CLSTN2: variants seen among roughly 807,000 people sequenced by gnomAD.
CLSTN2 encodes calsyntenin 2, also known as calsyntenin-2.
In CLSTN2, 48 loss-of-function variants were observed where a neutral mutation model predicts 101.2. That is an observed-to-expected ratio of 0.47 (90% CI 0.38 to 0.60). The LOEUF is 0.60. CLSTN2 is among the 20% of genes least tolerant of loss of function. The probability of loss-of-function intolerance (pLI) is 0.00; values close to 1 mark genes in which losing one functional copy is unlikely to be tolerated. For missense variants in CLSTN2, 1,160 were observed against 1,238.2 expected, an observed-to-expected ratio of 0.94 and a Z score of 0.95; for synonymous variants, 481 against 463.6, an observed-to-expected ratio of 1.04 and a Z score of -0.48.
chr3:140,546,383 C>G (rs1161925010), intron 9 of CLSTN2, 132 bp from the exon 10 acceptor site: 3 of 835,984 alleles, frequency 3.6e-6, no homozygotes, highest in Non-Finnish European at 5.6e-6. Flanking sequence ...CTGTGTTCAT[C>G]ACTCAGAAGG....
chr3:140,232,988 G>A (rs2086384290), intron 2 of CLSTN2, among the ~76,000 whole-genome samples: 1 of 152,000 alleles, frequency 6.6e-6, no homozygotes, highest in African/African-American at 2.4e-5. Flanking sequence ...GAAATCCTTA[G>A]TACCAAGCTT....
rs372703509 is a variant in CLSTN2, at chr3:140,205,562, A to G, written c.232+29489A>G. 6.0e-5 allele frequency among the ~76,000 whole-genome samples: 9 copies of G among 150,080 alleles called. No individual in the cohort carries two copies. The East Asian group carries it at 1.7e-3, about 29-fold the overall frequency. On this transcript the variant is annotated intron_variant, in intron 2 of 16. Coordinates refer to ENST00000458420, the MANE Select transcript of CLSTN2 (RefSeq NM_022131.3). Reference sequence around the variant, plus strand: ...GAGAGCAGAAAAAATTAGGAAAGCCACAGAGGAGGTAAGGAGGATTGAGGA... The same window carrying G: ...GAGAGCAGAAAAAATTAGGAAAGCCGCAGAGGAGGTAAGGAGGATTGAGGA...
chr3:140,430,709 G>C (rs1334689510), intron 5 of CLSTN2, among the ~76,000 whole-genome samples: 1 of 152,170 alleles, frequency 6.6e-6, no homozygotes, highest in East Asian at 1.9e-4. Flanking sequence ...GAAAGAATGG[G>C]AGATCAAATG....
chr3:140,301,219 T>G (rs1165616657), intron 2 of CLSTN2, among the ~76,000 whole-genome samples: 1 of 152,178 alleles, frequency 6.6e-6, no homozygotes, highest in Non-Finnish European at 1.5e-5. Context: ...GCTTGACACA[T>G]ATACTTAACC....
At chr3:140,381,358 C>T (rs2087980757) in intron 2 of CLSTN2, among the ~76,000 whole-genome samples, 1 of 152,178 alleles carries the variant, frequency 6.6e-6, no homozygotes, top group Non-Finnish European at 1.5e-5. Flanking sequence ...GAAGTTAGGA[C>T]TTCAACACAT....
At chr3:139,990,690 A>G (rs1350182432) in intron 1 of CLSTN2, among the ~76,000 whole-genome samples, 1 of 152,268 alleles carries the variant, frequency 6.6e-6, no homozygotes, top group Non-Finnish European at 1.5e-5. Context: ...GAACAGGTAG[A>G]TGTCATGTGA....
chr3:140,207,253 G>T (rs2010795669), intron 2 of CLSTN2, among the ~76,000 whole-genome samples: 1 of 152,156 alleles, frequency 6.6e-6, no homozygotes, highest in Admixed American at 6.5e-5. Context: ...GCTACAGTGA[G>T]GTAGTGTCCC....
At chr3:140,101,844 G>C (rs961558009) in intron 1 of CLSTN2, among the ~76,000 whole-genome samples, 1 of 152,186 alleles carries the variant, frequency 6.6e-6, no homozygotes. Context: ...TGGCCCAGAA[G>C]TGAAACAACT....
intron 1 of CLSTN2, among the ~76,000 whole-genome samples, chr3:140,077,905 G>T (rs531464773): frequency 6.6e-6 from 1 of 152,282 alleles, no homozygotes; most frequent in African/African-American, 2.4e-5. Flanking sequence ...ATCCAAACCA[G>T]ATTTGAGTGT....
chr3:140,479,559 T>C (rs992732026), intron 8 of CLSTN2, among the ~76,000 whole-genome samples: 2 of 152,168 alleles, frequency 1.3e-5, no homozygotes, highest in Admixed American at 6.5e-5. Context: ...AGAAAATAAC[T>C]TTAAAACAGT....
At chr3:140,225,498 G>GTTTT (rs1045738326) in intron 2 of CLSTN2, among the ~76,000 whole-genome samples, 1 of 151,966 alleles carries the variant, frequency 6.6e-6, no homozygotes, top group Non-Finnish European at 1.5e-5. Flanking sequence ...TTGTTTGTTT[G>GTTTT]TTTGTTTGTT....
intron 2 of CLSTN2, among the ~76,000 whole-genome samples, chr3:140,382,645 C>A (rs1306089501): frequency 6.6e-6 from 1 of 152,094 alleles, no homozygotes; most frequent in Non-Finnish European, 1.5e-5. Context: ...AATAAAACAC[C>A]ACACACTGGG....
chr3:139,965,699 G>C (rs1167573834), intron 1 of CLSTN2, among the ~76,000 whole-genome samples: 1 of 152,206 alleles, frequency 6.6e-6, no homozygotes, highest in Non-Finnish European at 1.5e-5. Flanking sequence ...TAAGATGGCA[G>C]AGCCTAGCTT....
chr3:140,341,682 G>A (rs1429175935), intron 2 of CLSTN2, among the ~76,000 whole-genome samples: 3 of 152,172 alleles, frequency 2.0e-5, no homozygotes, highest in Admixed American at 6.5e-5. Flanking sequence ...TTCAAGTATT[G>A]CTGGTAGTGG....
In CLSTN2 at chr3:139,983,362, T is replaced by G. The variant is rs540342710; in HGVS notation, c.109+47879T>G. On this transcript the variant is annotated intron_variant, in intron 1 of 16. Transcript: ENST00000458420. ...TTAAAATCTTAATTAGAAAAGAAGT[T>G]TGAAGTTGTGGGTCTCATCTGGAGA... 2.0e-4 allele frequency among the ~76,000 whole-genome samples: 30 copies of G among 152,266 alleles called. No homozygotes were observed. The South Asian group carries it at 5.6e-3, about 28-fold the overall frequency.
chr3:140,218,340 T>A (rs1256098588), intron 2 of CLSTN2, among the ~76,000 whole-genome samples: 6 of 152,206 alleles, frequency 3.9e-5, no homozygotes, highest in African/African-American at 4.8e-5. Context: ...GTTGCAAAGC[T>A]GTTTGGGATC....
chr3:139,952,970 C>A (rs966597206), intron 1 of CLSTN2, among the ~76,000 whole-genome samples: 5 of 152,120 alleles, frequency 3.3e-5, no homozygotes, highest in African/African-American at 1.2e-4. Flanking sequence ...CATATTCTAC[C>A]CATAGCCAGC....
intron 1 of CLSTN2, among the ~76,000 whole-genome samples, chr3:140,101,688 G>C (rs1449406835): frequency 6.6e-6 from 1 of 152,190 alleles, no homozygotes; most frequent in Non-Finnish European, 1.5e-5. Flanking sequence ...GCTTGGTGTG[G>C]GTTGTTGGTT....
chr3:140,273,204 C>T (rs993742742), intron 2 of CLSTN2, among the ~76,000 whole-genome samples: 14 of 151,928 alleles, frequency 9.2e-5, no homozygotes, highest in African/African-American at 3.4e-4. Flanking sequence ...CATACCGGAA[C>T]CTGTCGGGGG....
Sources: allele counts gnomAD v4.1 joint callset (sites outside exome capture counted in the v4.1 genomes callset), GRCh38; gene constraint gnomAD v4.1.1; transcripts MANE v1.5; gene names NCBI Gene and HGNC (gene_info 2026-07-23, HGNC 2026-07-21).